KIFC3: variants seen among roughly 807,000 people sequenced by gnomAD.
KIFC3 encodes kinesin-like protein KIFC3.
A neutral mutation model predicts 101.8 loss-of-function variants in KIFC3; 60 were observed. The ratio of observed to expected loss-of-function variants is 0.59; its 90% CI spans 0.48 to 0.73. The LOEUF is 0.73. Among genes scored for constraint, KIFC3 ranks in the 30% least tolerant of loss-of-function variants. The probability of loss-of-function intolerance (pLI) is 0.00; values close to 1 mark genes in which losing one functional copy is unlikely to be tolerated. For missense variants in KIFC3, 966 were observed against 1,137.1 expected (o/e 0.85, Z 2.16); for synonymous variants, 476 against 482.7 (o/e 0.99, Z 0.18).
chr16:57,765,074 T>C (rs1230779805), intron 11 of KIFC3, among the ~76,000 whole-genome samples: 2 of 139,862 alleles, frequency 1.4e-5, no homozygotes, highest in Admixed American at 7.2e-5. Flanking sequence ...GGCCATGTGG[T>C]GGAAGGGGCT....
intron 3 of KIFC3, among the ~76,000 whole-genome samples, chr16:57,778,405 A>T (rs1284435844): frequency 6.6e-6 from 1 of 152,254 alleles, no homozygotes; most frequent in Non-Finnish European, 1.5e-5. Context: ...ATATAACACC[A>T]AAAGCACAGG....
chr16:57,841,090 T>A (rs1323942884), intron 1 of KIFC3, among the ~76,000 whole-genome samples: 1 of 152,226 alleles, frequency 6.6e-6, no homozygotes, highest in African/African-American at 2.4e-5. Context: ...TGCTGGACCT[T>A]GCGTTATCAG....
At chr16:57,760,181 C>T (rs1597857805) in intron 17 of KIFC3, 101 bp downstream of exon 17, 3 of 1,391,372 alleles carry the variant, frequency 2.2e-6, no homozygotes, top group Non-Finnish European at 2.9e-6. Context: ...CTTCCCTGCC[C>T]CCACTGCTTC....
intron 1 of KIFC3, among the ~76,000 whole-genome samples, chr16:57,855,119 C>CTTT (rs1229988962): frequency 1.5e-4 from 16 of 105,050 alleles, no homozygotes; most frequent in South Asian, 3.3e-4. Flanking sequence ...CCATTTCTTT[C>CTTT]TTTTTTTTTT....
chr16:57,758,661 G>C lies in KIFC3; in HGVS notation c.*273C>G. ...CGGGGCCCAGTTCGCTGATGGCCCA[G>C]GCCTGCCAGGAAGAGCAGCCACCCC... On this transcript the variant is annotated 3_prime_UTR_variant, in exon 20 of 20. Coordinates refer to ENST00000445690, the MANE Select transcript of KIFC3 (RefSeq NM_001130100.2). 1.4e-6 allele frequency: 1 copy of C among 705,628 alleles called. No homozygotes were observed. Among genetic ancestry groups the C allele is most frequent in the Non-Finnish European group, 2.6e-6 (1 of 388,754 alleles). 43.7% of individuals were successfully genotyped at this position (705,628 alleles called of 1,614,324 possible). A position where few individuals can be genotyped will look rare whatever the true frequency, so the allele number is the denominator to read the frequency against.
chr16:57,822,565 C>T (rs797022912), intron 1 of KIFC3, among the ~76,000 whole-genome samples: 3 of 152,090 alleles, frequency 2.0e-5, no homozygotes, highest in African/African-American at 7.2e-5. Context: ...GGTGTGGCAG[C>T]GGGCACCTGT....
At chr16:57,862,814 A>C (rs549167792) in exon 1 of KIFC3, 2 of 1,289,282 alleles carry the variant, frequency 1.6e-6, no homozygotes, top group African/African-American at 3.0e-5. Flanking sequence ...GTTCTTCCTG[A>C]AAAGAAACTC....
At chr16:57,796,198 A>G (rs1379184764) in intron 2 of KIFC3, among the ~76,000 whole-genome samples, 2 of 152,024 alleles carry the variant, frequency 1.3e-5, no homozygotes, top group African/African-American at 4.8e-5. Flanking sequence ...CAGCCTTTAC[A>G]CACCTTCTTG....
intron 1 of KIFC3, among the ~76,000 whole-genome samples, chr16:57,822,184 T>C (rs1368831433): frequency 1.3e-5 from 2 of 152,192 alleles, no homozygotes; most frequent in Non-Finnish European, 2.9e-5. Context: ...GGAGTTAAGC[T>C]TGGAGCACCT....
At chr16:57,771,740 AAAGAAGAGAGGCCC>A in intron 4 of KIFC3, 54 bp from the exon 5 acceptor site, 1 of 1,571,718 alleles carries the variant, frequency 6.4e-7, no homozygotes, top group Non-Finnish European at 8.6e-7. Flanking sequence ...ATGACGGGGG[AAAGAAGAGAGGCCC>A]GCGGAGATGG....
chr16:57,850,468 T>TG (rs1377797295), intron 1 of KIFC3, among the ~76,000 whole-genome samples: 6 of 75,802 alleles, frequency 7.9e-5, no homozygotes, highest in African/African-American at 1.8e-4. Flanking sequence ...AAAAAGGGTT[T>TG]TTTTTTTTTT....
upstream of KIFC3, among the ~76,000 whole-genome samples, chr16:57,804,591 A>G (rs1598178395): frequency 1.3e-5 from 2 of 152,170 alleles, no homozygotes; most frequent in African/African-American, 4.8e-5. Flanking sequence ...TACTTGTTTC[A>G]TGGTTGTTGC....
chr16:57,823,480 G>A (rs936864375), intron 1 of KIFC3, among the ~76,000 whole-genome samples: 6 of 152,256 alleles, frequency 3.9e-5, no homozygotes, highest in South Asian at 4.1e-4. Context: ...TTTCTAAATC[G>A]ATTGAGACCT....
intron 3 of KIFC3, among the ~76,000 whole-genome samples, chr16:57,786,516 A>C (rs2053341069): frequency 6.6e-6 from 1 of 151,450 alleles, no homozygotes. Flanking sequence ...GGAGAGAGAG[A>C]AGAATGGGGG....
chr16:57,799,436 G>A (rs1555624777), intron 1 of KIFC3, among the ~76,000 whole-genome samples: 1 of 152,122 alleles, frequency 6.6e-6, no homozygotes, highest in Non-Finnish European at 1.5e-5. Flanking sequence ...TTCCTGCCAG[G>A]AAGTGAAGAT....
intron 11 of KIFC3, among the ~76,000 whole-genome samples, chr16:57,765,179 C>A (rs2050342709): frequency 6.6e-6 from 1 of 151,678 alleles, no homozygotes; most frequent in African/African-American, 2.4e-5. Flanking sequence ...TGGGCGGGGC[C>A]ACACGGTAGA....
chr16:57,798,088 C>T lies in KIFC3; in HGVS notation c.156G>A (p.Pro52=), dbSNP rs781952768. Residue 52 remains proline, a synonymous_variant, in exon 2 of 20, where the codon CCG becomes CCA. Transcript: ENST00000445690. ...CGGACTCACCAGTTCTCAACCTCCC[C>T]GGGCCGGTGTGTGGGAAAGGGCGGG... The part of the protein sequence containing the change: ...PAARPFPHTG[P]GRLRTGRGKD... 6.2e-5 allele frequency: 98 copies of T among 1,592,318 alleles called. No homozygotes were observed. The East Asian group carries it at 2.1e-3, about 34-fold the overall frequency.
intron 3 of KIFC3, chr16:57,775,341 C>T (rs1035327292): frequency 3.9e-5 from 45 of 1,145,748 alleles, no homozygotes; most frequent in African/African-American, 6.4e-5. Context: ...GTGACTGAGA[C>T]GCAGCAGACT....
chr16:57,795,234 G>C (rs1467575529), intron 2 of KIFC3, 93 bp from the exon 3 acceptor site: 2 of 1,441,316 alleles, frequency 1.4e-6, no homozygotes, highest in Non-Finnish European at 1.9e-6. Flanking sequence ...GCTGAGCTCA[G>C]CTTTCACACA....
Sources: allele counts gnomAD v4.1 joint callset (sites outside exome capture counted in the v4.1 genomes callset), GRCh38; gene constraint gnomAD v4.1.1; transcripts MANE v1.5; gene names NCBI Gene and HGNC (gene_info 2026-07-23, HGNC 2026-07-21).